The following ATAD1 variants were observed in gnomAD, a reference collection of about 807,000 sequenced individuals.
ATAD1 encodes the protein outer mitochondrial transmembrane helix translocase.
In ATAD1, 18 loss-of-function variants were observed where a neutral mutation model predicts 42.7. The ratio of observed to expected loss-of-function variants is 0.42; its 90% confidence interval spans 0.29 to 0.63. ATAD1 has a LOEUF of 0.63. ATAD1 is among the 20% of genes least tolerant of loss of function. ATAD1 has a pLI of 0.19. For missense variants in ATAD1, 294 were observed against 440.4 expected (o/e 0.67, Z 2.98); for synonymous variants, 132 against 143.1 (o/e 0.92, Z 0.55).
chr10:87,824,374 A>G (rs1314083715), intron 1 of ATAD1, among the ~76,000 whole-genome samples: 1 of 152,204 alleles, frequency 6.6e-6, no homozygotes, highest in East Asian at 1.9e-4. Context: ...TCTATAGGGT[A>G]TAAGAACGTG....
At chr10:87,761,112 A>G (rs903065756) in intron 8 of ATAD1, among the ~76,000 whole-genome samples, 7 of 152,160 alleles carry the variant, frequency 4.6e-5, no homozygotes, top group Non-Finnish European at 7.4e-5. Flanking sequence ...TAGCTCCACA[A>G]TGTATAAGTA....
At chr10:87,792,840 G>T in intron 2 of ATAD1, 85 bp from the exon 3 acceptor site, 6 of 980,010 alleles carry the variant, frequency 6.1e-6, no homozygotes, top group Non-Finnish European at 8.0e-6. Flanking sequence ...AGTCTAAAGA[G>T]CAATGAACAG....
At chr10:87,771,383 C>T (rs1855022139) in intron 6 of ATAD1, among the ~76,000 whole-genome samples, 2 of 151,980 alleles carry the variant, frequency 1.3e-5, no homozygotes, top group Admixed American at 1.3e-4. Flanking sequence ...TTAATGAATA[C>T]ATGTTGAATG....
chr10:87,777,163 T>C (rs1053586633), intron 5 of ATAD1, among the ~76,000 whole-genome samples: 1 of 152,176 alleles, frequency 6.6e-6, no homozygotes, highest in South Asian at 2.1e-4. Context: ...GGAAGAGTTA[T>C]GTGGAATCTC....
intron 6 of ATAD1, among the ~76,000 whole-genome samples, chr10:87,774,905 T>C (rs897587754): frequency 4.6e-5 from 7 of 151,898 alleles, no homozygotes; most frequent in African/African-American, 9.7e-5. Flanking sequence ...GTGAGAGCCA[T>C]GTTCACGCCA....
At chr10:87,808,213 A>G (rs1857012991) in intron 2 of ATAD1, among the ~76,000 whole-genome samples, 1 of 152,138 alleles carries the variant, frequency 6.6e-6, no homozygotes, top group African/African-American at 2.4e-5. Context: ...AATAATGACT[A>G]TTTAGTTTCT....
chr10:87,785,120 A>G (rs1330499137), intron 4 of ATAD1, among the ~76,000 whole-genome samples: 1 of 152,222 alleles, frequency 6.6e-6, no homozygotes, highest in Admixed American at 6.5e-5. Context: ...GCCAAAGGAC[A>G]TGTGCCTTTT....
chr10:87,766,808 T>G lies in ATAD1; in HGVS notation c.831+865A>C, dbSNP rs531795205. ...CCTGGACTACAGAGTGACACTCTGC[T>G]TCAAAAAAAAAAGAAAGAAAAGAAA... On this transcript the variant is annotated intron_variant, in intron 8 of 9. Coordinates refer to ENST00000680024, the MANE Select transcript of ATAD1 (RefSeq NM_001321967.2). Among the ~76,000 whole-genome samples the G allele has an allele frequency of 2.8e-3, 423 of 151,038 alleles. 3 individuals carry two copies. Among genetic ancestry groups the G allele is most frequent in the African/African-American group, 0.01 (419 of 41,200 alleles).
At chr10:87,786,759 A>G (rs1855854245) in intron 4 of ATAD1, among the ~76,000 whole-genome samples, 1 of 152,056 alleles carries the variant, frequency 6.6e-6, no homozygotes, top group Admixed American at 6.6e-5. Flanking sequence ...GATCGAGACC[A>G]TCCTGGCTAA....
chr10:87,840,524 G>A (rs547140490), intron 1 of ATAD1, among the ~76,000 whole-genome samples: 2 of 152,260 alleles, frequency 1.3e-5, no homozygotes, highest in South Asian at 4.1e-4. Context: ...ATCAGAACTT[G>A]TTTGAAAGAG....
chr10:87,761,862 G>C (rs1166724081), intron 8 of ATAD1, among the ~76,000 whole-genome samples: 6 of 151,964 alleles, frequency 3.9e-5, no homozygotes, highest in African/African-American at 1.4e-4. Flanking sequence ...CTAAGCTCAA[G>C]TGATCCTCCT....
chr10:87,833,335 T>C (rs1173583039), intron 1 of ATAD1, among the ~76,000 whole-genome samples: 2 of 152,240 alleles, frequency 1.3e-5, no homozygotes, highest in African/African-American at 4.8e-5. Flanking sequence ...TTTTGTCCTC[T>C]GACCTTACTA....
At chr10:87,795,981 G>A (rs922866322) in intron 2 of ATAD1, among the ~76,000 whole-genome samples, 1 of 152,202 alleles carries the variant, frequency 6.6e-6, no homozygotes, top group African/African-American at 2.4e-5. Flanking sequence ...CAATTTAAGT[G>A]TATGCAGACG....
chr10:87,769,062 C>T (rs1854904973), intron 7 of ATAD1, among the ~76,000 whole-genome samples: 1 of 152,156 alleles, frequency 6.6e-6, no homozygotes, highest in Admixed American at 6.5e-5. Context: ...CAGAGCAAGA[C>T]TCTGTCTTTA....
chr10:87,756,704 C>G, intron 9 of ATAD1, 85 bp downstream of exon 9: 1 of 1,317,866 alleles, frequency 7.6e-7, no homozygotes, highest in Non-Finnish European at 1.0e-6. Flanking sequence ...AGCGGTGTTT[C>G]TAATATAAAG....
At chr10:87,771,389 G>T (rs925194746) in intron 6 of ATAD1, among the ~76,000 whole-genome samples, 2 of 152,048 alleles carry the variant, frequency 1.3e-5, no homozygotes, top group Non-Finnish European at 2.9e-5. Context: ...AATACATGTT[G>T]AATGACTAAA....
upstream of ATAD1, chr10:87,819,263 CAAAAAAAAAAAA>C (rs57941047): frequency 1.7e-4 from 9 of 53,716 alleles, no homozygotes; most frequent in South Asian, 1.7e-3. Flanking sequence ...ATCGTCTCTA[CAAAAAAAAAAAA>C]AAAAAAAAAA....
At chr10:87,819,263 CAAAAAAAA>C (rs57941047), upstream of ATAD1, 235 of 53,716 alleles carry the variant, frequency 4.4e-3, 1 homozygote, top group African/African-American at 0.016. Context: ...ATCGTCTCTA[CAAAAAAAA>C]AAAAAAAAAA....
At chr10:87,756,944 G>T in intron 8 of ATAD1, 22 bp from the exon 9 acceptor site, 1 of 1,558,316 alleles carries the variant, frequency 6.4e-7, no homozygotes, top group South Asian at 1.2e-5. Context: ...ATAAAAACAT[G>T]CTTAAAAAAC....
Sources: allele counts gnomAD v4.1 joint callset (sites outside exome capture counted in the v4.1 genomes callset), GRCh38; gene constraint gnomAD v4.1.1; transcripts MANE v1.5; gene names NCBI Gene and HGNC (gene_info 2026-07-23, HGNC 2026-07-21).